Variants in ARHGEF10 observed in about 807,000 individuals in gnomAD.
ARHGEF10 encodes Rho guanine nucleotide exchange factor (GEF) 10.
Under a neutral mutation model 147.4 loss-of-function variants are expected in ARHGEF10, and 140 were observed. The observed-to-expected ratio is 0.95, with a 90% CI of 0.83 to 1.09. ARHGEF10 has a LOEUF of 1.09. Among genes scored for constraint, ARHGEF10 ranks in the 50% least tolerant of loss-of-function variants. ARHGEF10 has a pLI of 0.00. For missense variants in ARHGEF10, 2,222 were observed against 1,752.7 expected, an observed-to-expected ratio of 1.27 and a Z score of -4.78; for synonymous variants, 902 against 695.8, an observed-to-expected ratio of 1.30 and a Z score of -4.67.
chr8:1,862,435 C>G (rs1230911430), intron 4 of ARHGEF10, among the ~76,000 whole-genome samples: 5 of 152,390 alleles, frequency 3.3e-5, no homozygotes, highest in East Asian at 1.9e-4. Flanking sequence ...TACGCACGGG[C>G]TGTTGTGGCC....
chr8:1,863,629 C>T (rs540914409), intron 4 of ARHGEF10, among the ~76,000 whole-genome samples: 4 of 152,168 alleles, frequency 2.6e-5, no homozygotes, highest in Non-Finnish European at 5.9e-5. Context: ...CCATCACAGA[C>T]TCTGGCTGGC....
In ARHGEF10 at chr8:1,903,282, A is replaced by T. The variant is rs759057597; in HGVS notation, c.1652A>T (p.Asp551Val). The change falls in exon 16 of 29, where the codon GAC becomes GTC. Residue 551 changes from aspartate to valine, a missense_variant and splice_region_variant. Physicochemically the swap from Asp to Val is radical, Grantham distance 152. Transcript: ENST00000349830. ...CCACCTCTCCCCTGTTGCTTGTAGG[A>T]CATGCTGAAGAACACCTCCAAAGGC... ...RFPQFILLLQ[D>V]MLKNTSKGHP... The T allele has an allele frequency of 1.1e-5, 17 of 1,613,912 alleles. No homozygotes were observed. Among genetic ancestry groups the T allele is most frequent in the Middle Eastern group, 3.3e-4 (2 of 6,084 alleles).
At chr8:1,900,124 C>T (rs1810334010) in intron 15 of ARHGEF10, among the ~76,000 whole-genome samples, 1 of 152,174 alleles carries the variant, frequency 6.6e-6, no homozygotes, top group South Asian at 2.1e-4. Flanking sequence ...ATATAATTTT[C>T]AAACAAGCTT....
intron 1 of ARHGEF10, among the ~76,000 whole-genome samples, chr8:1,841,062 G>A (rs747394281): frequency 6.6e-6 from 1 of 152,126 alleles, no homozygotes; most frequent in African/African-American, 2.4e-5. Flanking sequence ...ACATGCCGTC[G>A]GGGCCTAGGC....
At chr8:1,909,579 A>C in intron 18 of ARHGEF10, 109 bp downstream of exon 18, 1 of 1,448,766 alleles carries the variant, frequency 6.9e-7, no homozygotes, top group South Asian at 1.2e-5. Context: ...TCAGGGTTTA[A>C]CATGGCAAGT....
chr8:1,882,762 A>G lies in ARHGEF10; in HGVS notation c.1075+13A>G, dbSNP rs4543586. ...CTCATCGCACAGGGTCCGTGCCTGC[A>G]GGTCTTCTTGCGGGGAGGACACGGG... On this transcript the variant is annotated intron_variant, in intron 10 of 28. Transcript: ENST00000349830. 0.65 allele frequency: 978,282 copies of G among 1,506,936 alleles called. 315,066 individuals carry two copies. Among genetic ancestry groups the G allele is most frequent in the East Asian group, 1 (40,652 of 40,702 alleles). 93.3% of individuals were successfully genotyped at this position (1,506,936 alleles called of 1,614,324 possible).
chr8:1,919,462 G>T (rs945990857), intron 18 of ARHGEF10, among the ~76,000 whole-genome samples: 1 of 145,694 alleles, frequency 6.9e-6, no homozygotes, highest in African/African-American at 2.8e-5. Flanking sequence ...TGTTCCATGG[G>T]TGATGGAGCT....
At chr8:1,842,431 G>A (rs112876329) in intron 1 of ARHGEF10, among the ~76,000 whole-genome samples, 56 of 151,788 alleles carry the variant, frequency 3.7e-4, no homozygotes, top group African/African-American at 1.3e-3. Context: ...CCATCCCCTC[G>A]CGTTCCCCTC....
intron 10 of ARHGEF10, 74 bp downstream of exon 10, chr8:1,882,823 C>T (rs1025019341): frequency 2.2e-4 from 29 of 132,258 alleles, no homozygotes; most frequent in East Asian, 6.8e-4. Flanking sequence ...GGGGAGGACT[C>T]GGGGTGGGGG....
intron 1 of ARHGEF10, among the ~76,000 whole-genome samples, chr8:1,830,115 C>T (rs1695738222): frequency 6.6e-6 from 1 of 152,214 alleles, no homozygotes; most frequent in Admixed American, 6.5e-5. Context: ...TGTCTGCAGA[C>T]GGCCCCAGAG....
At chr8:1,877,037 G>A (rs1278334125) in intron 8 of ARHGEF10, among the ~76,000 whole-genome samples, 1 of 152,236 alleles carries the variant, frequency 6.6e-6, no homozygotes, top group Non-Finnish European at 1.5e-5. Context: ...AATGTATTAT[G>A]TGCTTTGCAC....
chr8:1,830,041 T>G (rs959527083), intron 1 of ARHGEF10, among the ~76,000 whole-genome samples: 4 of 152,180 alleles, frequency 2.6e-5, no homozygotes, highest in African/African-American at 9.7e-5. Context: ...CTGCCAGCCG[T>G]CAGAGGGCTG....
chr8:1,825,372 C>G lies in ARHGEF10; in HGVS notation c.-48+1259C>G, dbSNP rs140292584. 7.5e-3 allele frequency among the ~76,000 whole-genome samples: 530 copies of G among 71,102 alleles called. 7 individuals are homozygous for G. Among genetic ancestry groups the G allele is most frequent in the Admixed American group, 0.011 (69 of 6,428 alleles). The allele number at this position is 71,102 out of a possible 152,430, so 46.6% of individuals were successfully genotyped here. On this transcript the variant is annotated intron_variant, in intron 1 of 28. Coordinates refer to ENST00000349830, the MANE Select transcript of ARHGEF10 (RefSeq NM_014629.4). ...TCTCTCCCTGAACCCCACCTGTCCCCTGCACCTCAACTGTCCTGCACCCCA... is the reference window on the plus strand; with the variant it reads ...TCTCTCCCTGAACCCCACCTGTCCCGTGCACCTCAACTGTCCTGCACCCCA...
At chr8:1,939,319 T>C (rs954558245) in intron 26 of ARHGEF10, among the ~76,000 whole-genome samples, 9 of 152,218 alleles carry the variant, frequency 5.9e-5, no homozygotes, top group Middle Eastern at 3.2e-3. Context: ...AGAAGAAACA[T>C]AGCAAACATT....
intron 17 of ARHGEF10, 96 bp downstream of exon 17, chr8:1,905,812 C>T (rs1178461297): frequency 6.6e-7 from 1 of 1,515,266 alleles, no homozygotes; most frequent in African/African-American, 1.4e-5. Context: ...GTCACTCAGA[C>T]TGAACTGGTT....
chr8:1,880,155 T>C lies in ARHGEF10; in HGVS notation c.951T>C (p.His317=). The C allele has an allele frequency of 3.1e-6, 5 of 1,612,830 alleles. No homozygotes were observed. Among genetic ancestry groups the C allele is most frequent in the Non-Finnish European group, 4.2e-6 (5 of 1,178,924 alleles). The change falls in exon 9 of 29, where the codon CAT becomes CAC. Residue 317 remains histidine (H), a synonymous_variant. Coordinates refer to ENST00000349830, the MANE Select transcript of ARHGEF10 (RefSeq NM_014629.4). ...VVEIQQLRQK[H]ELKMQKLVKA... ...AGATTCAGCAGCTCAGGCAGAAGCATGAACTGAAGGTAGAGTCTTGCCCCC... is the reference window on the plus strand; with the variant it reads ...AGATTCAGCAGCTCAGGCAGAAGCACGAACTGAAGGTAGAGTCTTGCCCCC...
At position 1,937,753 on chromosome 8, in the gene ARHGEF10, G is replaced by A. The variant is rs1254123896; in HGVS notation, c.3222+3811G>A. Among the ~76,000 whole-genome samples, 3 of 152,224 alleles carry A rather than the reference G, an allele frequency of 2.0e-5. No homozygotes were observed. The highest frequency in any genetic ancestry group is 4.8e-5 in the African/African-American group (2 of 41,460). ...TGACAGCGAGGGCAGCAGCTGCGGG[G>A]GGATCCGTCCCGAATGGCCATATGC... On this transcript the variant is annotated intron_variant, in intron 26 of 28. Transcript: ENST00000349830. The surrounding 1 kb of genome is among the most constrained non-coding windows in gnomAD (Gnocchi z 4.9).
intron 2 of ARHGEF10, among the ~76,000 whole-genome samples, chr8:1,847,474 A>G (rs1312176574): frequency 6.6e-6 from 1 of 152,254 alleles, no homozygotes; most frequent in Non-Finnish European, 1.5e-5. Flanking sequence ...AATAAGTACA[A>G]TTGGCATGTT....
intron 2 of ARHGEF10, among the ~76,000 whole-genome samples, chr8:1,854,489 C>G (rs889324877): frequency 6.6e-6 from 1 of 152,190 alleles, no homozygotes; most frequent in South Asian, 2.1e-4. Context: ...TCTGCAGAGT[C>G]TATATAACTT....
Sources: gnomAD v4.1 joint callset for allele counts (sites outside exome capture counted in the v4.1 genomes callset) on GRCh38, gnomAD v4.1.1 for gene constraint, Gnocchi (gnomAD v3.1) non-coding constraint, MANE v1.5 for transcripts, NCBI Gene and HGNC (gene_info 2026-07-23, HGNC 2026-07-21) for gene names.